The following ZFHX3 variants were observed in gnomAD, a reference collection of about 807,000 sequenced individuals.
The protein encoded by ZFHX3 is zinc finger homeobox protein 3.
Under a neutral mutation model 279.1 loss-of-function variants are expected in ZFHX3, and 42 were observed. The ratio of observed to expected loss-of-function variants is 0.15; its 90% CI spans 0.12 to 0.19. The LOEUF is 0.19. Among genes scored for constraint, ZFHX3 ranks in the 10% least tolerant of loss-of-function variants. The pLI, the probability that ZFHX3 is intolerant of heterozygous loss-of-function variation, is 1.00. For synonymous variants in ZFHX3, 2,293 were observed against 1,957.8 expected, an observed-to-expected ratio of 1.17 and a Z score of -4.52; for missense variants, 4,981 against 4,754.0, an observed-to-expected ratio of 1.05 and a Z score of -1.40.
intron 1 of ZFHX3, among the ~76,000 whole-genome samples, chr16:73,682,241 G>C (rs1387471359): frequency 3.9e-5 from 6 of 151,998 alleles, no homozygotes; most frequent in South Asian, 2.1e-4. Context: ...AATAAATGTA[G>C]TTTGCCATGC....
intron 1 of ZFHX3, among the ~76,000 whole-genome samples, chr16:73,024,312 G>C (rs1964416706): frequency 6.6e-6 from 1 of 152,186 alleles, no homozygotes; most frequent in African/African-American, 2.4e-5. Context: ...GAAACTTCCA[G>C]ATGGGAGGCA....
At chr16:73,261,954 C>T (rs558533215) in intron 4 of ZFHX3, among the ~76,000 whole-genome samples, 3 of 152,262 alleles carry the variant, frequency 2.0e-5, no homozygotes, top group African/African-American at 7.2e-5. Flanking sequence ...GGATTACAGG[C>T]GTGAGCTACG....
At chr16:73,686,769 G>A (rs908983570) in intron 1 of ZFHX3, among the ~76,000 whole-genome samples, 1 of 152,028 alleles carries the variant, frequency 6.6e-6, no homozygotes, top group East Asian at 1.9e-4. Context: ...TAGCTACTCA[G>A]TTTGTAGCAC....
At chr16:73,507,739 A>G (rs1192781147) in intron 2 of ZFHX3, among the ~76,000 whole-genome samples, 1 of 151,874 alleles carries the variant, frequency 6.6e-6, no homozygotes, top group African/African-American at 2.4e-5. Context: ...GGCTTCAAGC[A>G]ATCCTCCCAC....
At chr16:73,259,600 G>A (rs1322852054) in intron 4 of ZFHX3, among the ~76,000 whole-genome samples, 1 of 152,192 alleles carries the variant, frequency 6.6e-6, no homozygotes, top group East Asian at 1.9e-4. Flanking sequence ...CAGAGAAAAT[G>A]TGCAGTTTCT....
intron 2 of ZFHX3, among the ~76,000 whole-genome samples, chr16:73,586,119 T>C (rs990203425): frequency 2.0e-5 from 3 of 152,188 alleles, no homozygotes; most frequent in African/African-American, 7.2e-5. Context: ...CCAGGCATGG[T>C]GGCTCAAACC....
intron 1 of ZFHX3, among the ~76,000 whole-genome samples, chr16:72,984,577 G>A (rs1962760286): frequency 6.7e-6 from 1 of 149,324 alleles, no homozygotes; most frequent in Non-Finnish European, 1.5e-5. Flanking sequence ...AAGGAGCCAC[G>A]ATCACACCAC....
At chr16:73,301,413 A>C (rs6564489) in intron 4 of ZFHX3, among the ~76,000 whole-genome samples, 4 of 152,102 alleles carry the variant, frequency 2.6e-5, no homozygotes, top group African/African-American at 4.8e-5. Flanking sequence ...CATTTCAGAC[A>C]GGATGATTTT....
chr16:73,249,283 C>A (rs773554912), intron 5 of ZFHX3, among the ~76,000 whole-genome samples: 1 of 152,158 alleles, frequency 6.6e-6, no homozygotes. Flanking sequence ...CAAAATAATT[C>A]TCTAATTTTT....
In ZFHX3 at chr16:72,960,182, C is replaced by A. The variant is rs368453066; in HGVS notation, c.-37G>T. Reference sequence around the variant, plus strand: ...CGTGGAGCTTTCATTGCACCCAGTACGGAGGCTCGGACCTGAAGGGCAGAG... The same window carrying A: ...CGTGGAGCTTTCATTGCACCCAGTAAGGAGGCTCGGACCTGAAGGGCAGAG... On this transcript the variant is annotated 5_prime_UTR_variant, in exon 2 of 10. Transcript: ENST00000268489. 1.3e-6 allele frequency: 2 copies of A among 1,508,108 alleles called. No homozygotes were observed. Among genetic ancestry groups the A allele is most frequent in the East Asian group, 2.3e-5 (1 of 43,264 alleles). 93.4% of individuals were successfully genotyped at this position (1,508,108 alleles called of 1,614,324 possible). A position where few individuals can be genotyped will look rare whatever the true frequency, so the allele number is the denominator to read the frequency against.
intron 4 of ZFHX3, among the ~76,000 whole-genome samples, chr16:73,279,243 G>C (rs1427940132): frequency 1.3e-5 from 2 of 152,044 alleles, no homozygotes; most frequent in African/African-American, 4.8e-5. Context: ...TCAGAAAACT[G>C]AGTCCCAGAT....
At chr16:73,352,664 G>T (rs552054796) in intron 3 of ZFHX3, among the ~76,000 whole-genome samples, 5 of 151,580 alleles carry the variant, frequency 3.3e-5, no homozygotes, top group African/African-American at 4.8e-5. Context: ...AAGTTTTTTG[G>T]GGTAGTGATG....
At chr16:73,498,402 A>C (rs66747620) in intron 2 of ZFHX3, among the ~76,000 whole-genome samples, 11,204 of 152,304 alleles carry the variant, frequency 0.074, 744 homozygotes, top group Admixed American at 0.23. Flanking sequence ...ATATGTAAAA[A>C]TTAACCTGTA....
At chr16:73,752,569 T>C (rs2053770857) in intron 1 of ZFHX3, among the ~76,000 whole-genome samples, 1 of 152,192 alleles carries the variant, frequency 6.6e-6, no homozygotes, top group African/African-American at 2.4e-5. Flanking sequence ...TTTCATCTTT[T>C]GGCAGCTATC....
intron 2 of ZFHX3, among the ~76,000 whole-genome samples, chr16:73,600,995 A>G (rs1425275009): frequency 7.7e-6 from 1 of 129,860 alleles, no homozygotes; most frequent in African/African-American, 2.8e-5. Flanking sequence ...ACCATGAGTG[A>G]TAGCCTTTTT....
At chr16:73,315,343 G>A (rs1034862417) in intron 4 of ZFHX3, among the ~76,000 whole-genome samples, 3 of 152,276 alleles carry the variant, frequency 2.0e-5, no homozygotes, top group South Asian at 4.1e-4. Flanking sequence ...CCTTTTCAAA[G>A]TTTTGAAGCC....
Position 72,797,861 on chromosome 16 carries a change from C to G in ZFHX3, c.4821G>C (p.Gln1607His). Reference sequence around the variant, plus strand: ...TCATATGGATCTCCAGAGTGGAACTCTGGCTGTAGGCCACATTACAAGTGT... The same window carrying G: ...TCATATGGATCTCCAGAGTGGAACTGTGGCTGTAGGCCACATTACAAGTGT... ...KCNTCNVAYSQSSTLEIHMRS... is the reference protein window; with the variant it reads ...KCNTCNVAYSHSSTLEIHMRS... The change falls in exon 9 of 10, where the codon CAG (glutamine) becomes CAC (histidine). Residue 1607 changes from glutamine (Q) to histidine (H), a missense_variant. Gln to His is a conservative substitution (Grantham distance 24). This residue lies in a region of ZFHX3 where 1,751 missense variants were observed against 1,770.0 expected (regional missense o/e 0.99). Transcript: ENST00000268489. The G allele has an allele frequency of 6.2e-7, 1 of 1,614,192 alleles. No homozygotes were observed. Among genetic ancestry groups the G allele is most frequent in the Non-Finnish European group, 8.5e-7 (1 of 1,180,044 alleles).
At chr16:73,413,616 G>T (rs944119348) in intron 3 of ZFHX3, among the ~76,000 whole-genome samples, 2 of 152,098 alleles carry the variant, frequency 1.3e-5, no homozygotes, top group African/African-American at 2.4e-5. Flanking sequence ...GTGGTTTTGG[G>T]GAAATCTCAA....
At chr16:72,829,682 C>T in intron 5 of ZFHX3, 97 bp downstream of exon 5, 2 of 1,395,734 alleles carry the variant, frequency 1.4e-6, no homozygotes, top group Non-Finnish European at 1.0e-6. Context: ...GTATCCGCTC[C>T]CTGACTTGTT....
Sources: gnomAD v4.1 joint callset for allele counts (sites outside exome capture counted in the v4.1 genomes callset) on GRCh38, gnomAD v4.1.1 for gene constraint, gnomAD v4.1.1 regional missense constraint, MANE v1.5 for transcripts, NCBI Gene and HGNC (gene_info 2026-07-23, HGNC 2026-07-21) for gene names.